The following FHIT variants were observed in gnomAD, a reference collection of about 807,000 sequenced individuals.
The protein encoded by FHIT is fragile histidine triad diadenosine triphosphatase, also known as bis(5'-adenosyl)-triphosphatase.
FHIT carries 19 observed loss-of-function variants against 17.9 expected under a neutral mutation model. The ratio of observed to expected loss-of-function variants is 1.06; its 90% CI spans 0.74 to 1.56. FHIT has a LOEUF of 1.56. Among genes scored for constraint, FHIT ranks in the 40% most tolerant of loss-of-function variants. FHIT has a pLI of 0.00. For missense variants in FHIT, 248 were observed against 189.2 expected, an observed-to-expected ratio of 1.31 and a Z score of -1.82; for synonymous variants, 81 against 69.7, an observed-to-expected ratio of 1.16 and a Z score of -0.81.
In FHIT at chr3:59,885,000, G is replaced by A. The variant is rs1168042509; in HGVS notation, c.348+37346C>T. 4.6e-5 allele frequency among the ~76,000 whole-genome samples: 7 copies of A among 152,152 alleles called. No homozygotes were observed. The South Asian group carries it at 1.5e-3, about 32-fold the overall frequency. ...CTGTGGTTTTACATTTCAGAGAGCA[G>A]TAAGAAAAATTCACCAAAACAAAAT... On this transcript the variant is annotated intron_variant, in intron 8 of 9. Coordinates refer to ENST00000492590, the MANE Select transcript of FHIT (RefSeq NM_002012.4).
In FHIT at chr3:60,766,058, C is replaced by G. The variant is rs368158384; in HGVS notation, c.-18+55861G>C. Among the ~76,000 whole-genome samples the G allele has an allele frequency of 4.4e-4, 67 of 152,260 alleles. 1 individual carries two copies. The Middle Eastern group carries it at 0.014, about 31-fold the overall frequency. The stretch of plus-strand genomic sequence containing the variant: ...AGCCACTACCAGCTTCTCTCTCTCT[C>G]AATTTGCAGACAGCCTATCCTGGGA... On this transcript the variant is annotated intron_variant, in intron 4 of 9. Coordinates refer to ENST00000492590, the MANE Select transcript of FHIT (RefSeq NM_002012.4).
chr3:61,047,585 C>A (rs1236603172), intron 2 of FHIT, among the ~76,000 whole-genome samples: 1 of 152,078 alleles, frequency 6.6e-6, no homozygotes, highest in Non-Finnish European at 1.5e-5. Context: ...CAATGCCATC[C>A]CCATCAAGCT....
intron 4 of FHIT, among the ~76,000 whole-genome samples, chr3:60,743,976 A>G (rs1177014119): frequency 6.6e-6 from 1 of 152,166 alleles, no homozygotes; most frequent in African/African-American, 2.4e-5. Flanking sequence ...GGAGAGAACA[A>G]TGACTTCCCC....
intron 3 of FHIT, among the ~76,000 whole-genome samples, chr3:60,885,449 T>A (rs1211417027): frequency 6.6e-6 from 1 of 152,208 alleles, no homozygotes; most frequent in Non-Finnish European, 1.5e-5. Context: ...TATTAGCCAC[T>A]GAAAATCTTA....
At chr3:60,116,535 T>C (rs191905485) in intron 5 of FHIT, among the ~76,000 whole-genome samples, 1 of 152,294 alleles carries the variant, frequency 6.6e-6, no homozygotes, top group Non-Finnish European at 1.5e-5. Flanking sequence ...ACAATTCATT[T>C]TTTACAGCCC....
chr3:59,941,643 T>C (rs1706525878), intron 7 of FHIT, among the ~76,000 whole-genome samples: 1 of 152,194 alleles, frequency 6.6e-6, no homozygotes, highest in Non-Finnish European at 1.5e-5. Flanking sequence ...TAACAGACAC[T>C]GGACATAGCG....
chr3:59,949,060 G>A (rs1232296025), intron 7 of FHIT, among the ~76,000 whole-genome samples: 2 of 152,090 alleles, frequency 1.3e-5, no homozygotes, highest in African/African-American at 4.8e-5. Flanking sequence ...CTCTACTCAA[G>A]TAATCCATAG....
chr3:60,299,146 C>T (rs1576441347), intron 5 of FHIT, among the ~76,000 whole-genome samples: 1 of 152,102 alleles, frequency 6.6e-6, no homozygotes, highest in East Asian at 1.9e-4. Flanking sequence ...TGACGATCCT[C>T]AAGCTCTGCA....
chr3:61,026,922 C>A (rs578242901), intron 3 of FHIT, among the ~76,000 whole-genome samples: 2 of 152,268 alleles, frequency 1.3e-5, no homozygotes, highest in East Asian at 3.9e-4. Flanking sequence ...AGCTGCCTCC[C>A]TGAGGCTTAC....
chr3:59,985,062 G>A (rs567124923), intron 7 of FHIT, among the ~76,000 whole-genome samples: 16 of 152,172 alleles, frequency 1.1e-4, no homozygotes, highest in African/African-American at 3.4e-4. Flanking sequence ...TTTTGTTTAG[G>A]AAACTCTTCA....
Position 60,859,315 on chromosome 3 carries a change from A to C in FHIT, c.-110-37304T>G, listed in dbSNP as rs141299154. Among the ~76,000 whole-genome samples, 4 of 152,290 alleles carry C rather than the reference A, an allele frequency of 2.6e-5. No individual in the cohort carries two copies. The East Asian group carries it at 7.7e-4, about 29-fold the overall frequency. ...ATATCAGGTAAATTACTATGCGTGC[A>C]CAGAAGAGCTTAATAAATGTTAGAT... On this transcript the variant is annotated intron_variant, in intron 3 of 9. Transcript: ENST00000492590.
rs577861264 is a variant in FHIT at position 60,432,957 on chromosome 3, CTT to C, written c.103+103901_103+103902del. Among the ~76,000 whole-genome samples the C allele has an allele frequency of 9.8e-4, 147 of 150,308 alleles. 1 individual carries two copies. The highest frequency in any genetic ancestry group is 3.4e-3 in the African/African-American group (138 of 40,882). ...TGTGATAACACTTAAGATACATACT[CTT>C]AAGAAAATTTTAAGTGCACTAGATA... On this transcript the variant is annotated intron_variant, in intron 5 of 9. Transcript: ENST00000492590.
chr3:60,681,804 T>G (rs540175302), intron 4 of FHIT, among the ~76,000 whole-genome samples: 1 of 152,230 alleles, frequency 6.6e-6, no homozygotes. Flanking sequence ...GTAAAGAAGC[T>G]GCAGAAGAAA....
chr3:60,466,615 C>G (rs1182058631), intron 5 of FHIT, among the ~76,000 whole-genome samples: 1 of 151,934 alleles, frequency 6.6e-6, no homozygotes, highest in African/African-American at 2.4e-5. Flanking sequence ...GCTTTTTCAG[C>G]AAAAATTGAA....
intron 4 of FHIT, among the ~76,000 whole-genome samples, chr3:60,705,195 G>T (rs1363548561): frequency 6.6e-6 from 1 of 152,028 alleles, no homozygotes; most frequent in Non-Finnish European, 1.5e-5. Flanking sequence ...CTACTTTCAT[G>T]ACACTTTTCT....
At chr3:60,368,760 A>G (rs914229768) in intron 5 of FHIT, among the ~76,000 whole-genome samples, 4 of 152,070 alleles carry the variant, frequency 2.6e-5, no homozygotes, top group Admixed American at 1.3e-4. Context: ...AGACTGTAAG[A>G]TATTTTTTCT....
At chr3:60,085,790 T>C (rs1393801298) in intron 5 of FHIT, among the ~76,000 whole-genome samples, 4 of 152,224 alleles carry the variant, frequency 2.6e-5, no homozygotes, top group African/African-American at 9.6e-5. Context: ...GTTGTCTCAT[T>C]TGTATACAGG....
At chr3:59,780,736 G>A (rs1466582689) in intron 8 of FHIT, among the ~76,000 whole-genome samples, 1 of 152,172 alleles carries the variant, frequency 6.6e-6, no homozygotes, top group African/African-American at 2.4e-5. Flanking sequence ...TGAACCAGAA[G>A]CAGGGTCCTA....
At position 60,440,211 on chromosome 3, in the gene FHIT, T is replaced by A. The variant is rs2030669374; in HGVS notation, c.103+96649A>T. Among the ~76,000 whole-genome samples the A allele has an allele frequency of 2.0e-5, 3 of 152,054 alleles. No individual in the cohort carries two copies. The South Asian group carries it at 6.2e-4, about 32-fold the overall frequency. Reference sequence around the variant, plus strand: ...GCCCTTGGTCCACTTCTCTTCCCTATCCAAATTTCAAACAAGTAACTGGTA... The same window carrying A: ...GCCCTTGGTCCACTTCTCTTCCCTAACCAAATTTCAAACAAGTAACTGGTA... On this transcript the variant is annotated intron_variant, in intron 5 of 9. Transcript: ENST00000492590.
Sources: gnomAD v4.1 joint callset for allele counts (sites outside exome capture counted in the v4.1 genomes callset) on GRCh38, gnomAD v4.1.1 for gene constraint, MANE v1.5 for transcripts, NCBI Gene and HGNC (gene_info 2026-07-23, HGNC 2026-07-21) for gene names.